The following DOCK4 variants were observed in gnomAD, a reference collection of about 807,000 sequenced individuals.
DOCK4 encodes dedicator of cytokinesis 4.
Under a neutral mutation model 268.1 loss-of-function variants are expected in DOCK4, and 97 were observed. That is an observed-to-expected ratio of 0.36 (90% CI 0.31 to 0.43). The LOEUF is 0.43. DOCK4 is among the 20% of genes least tolerant of loss of function. The pLI, the probability that DOCK4 is intolerant of heterozygous loss-of-function variation, is 1.00. For synonymous variants in DOCK4, 954 were observed against 887.2 expected (o/e 1.08, Z -1.34); for missense variants, 2,145 against 2,455.7 (o/e 0.87, Z 2.67).
Position 112,179,532 on chromosome 7 carries a change from T to G in DOCK4, c.37+26570A>C, listed in dbSNP as rs867450727. On this transcript the variant is annotated intron_variant, in intron 1 of 52. Transcript: ENST00000428084. ...CAAAAGGTGTTGTTTTTTTGTTTTT[T>G]TTTTTTAACCCAGCTACATGCACAC... 1.8e-3 allele frequency among the ~76,000 whole-genome samples: 276 copies of G among 152,118 alleles called. No individual in the cohort carries two copies. In the Middle Eastern group the frequency reaches 0.02, roughly 11 times the overall value.
At chr7:111,850,542 T>C (rs972996725) in intron 23 of DOCK4, among the ~76,000 whole-genome samples, 1 of 152,014 alleles carries the variant, frequency 6.6e-6, no homozygotes, top group African/African-American at 2.4e-5. Context: ...GACCTGCACA[T>C]ATATAAACAG....
chr7:111,981,666 G>A (rs147535631), intron 7 of DOCK4, among the ~76,000 whole-genome samples: 53 of 152,350 alleles, frequency 3.5e-4, no homozygotes, highest in African/African-American at 1.3e-3. Context: ...AACCAGCACT[G>A]AGGAGAAAAT....
intron 1 of DOCK4, among the ~76,000 whole-genome samples, chr7:112,186,959 A>C (rs1219351698): frequency 1.3e-5 from 2 of 152,204 alleles, no homozygotes; most frequent in Non-Finnish European, 2.9e-5. Context: ...GAGGAAGAAT[A>C]AACCACTAAT....
chr7:111,731,835 T>C (rs917555676), intron 52 of DOCK4, among the ~76,000 whole-genome samples: 7 of 150,258 alleles, frequency 4.7e-5, no homozygotes, highest in Non-Finnish European at 5.9e-5. Flanking sequence ...TTAGTAGATC[T>C]TGATACTGAT....
At chr7:111,938,324 G>A (rs1314720176) in intron 11 of DOCK4, among the ~76,000 whole-genome samples, 1 of 152,182 alleles carries the variant, frequency 6.6e-6, no homozygotes, top group African/African-American at 2.4e-5. Flanking sequence ...AGGTCAAAAA[G>A]GCAATTTTAA....
At chr7:112,086,194 G>T (rs1205964854) in intron 1 of DOCK4, among the ~76,000 whole-genome samples, 1 of 151,988 alleles carries the variant, frequency 6.6e-6, no homozygotes, top group African/African-American at 2.4e-5. Flanking sequence ...TGAATATATA[G>T]TACGTTATCT....
chr7:111,871,389 A>G (rs1317355830), intron 20 of DOCK4, among the ~76,000 whole-genome samples: 2 of 152,208 alleles, frequency 1.3e-5, no homozygotes, highest in African/African-American at 4.8e-5. Flanking sequence ...GCATAATATT[A>G]TTCATAACTT....
At chr7:111,835,092 T>C (rs905471793) in intron 25 of DOCK4, among the ~76,000 whole-genome samples, 1 of 152,144 alleles carries the variant, frequency 6.6e-6, no homozygotes, top group Non-Finnish European at 1.5e-5. Context: ...TATAATACCT[T>C]TTTGAAGAAG....
At chr7:112,011,874 C>A (rs545506206) in intron 1 of DOCK4, among the ~76,000 whole-genome samples, 69 of 149,096 alleles carry the variant, frequency 4.6e-4, no homozygotes, top group African/African-American at 1.7e-3. Flanking sequence ...AAAGGAGCAT[C>A]CTAGATGAGA....
intron 1 of DOCK4, among the ~76,000 whole-genome samples, chr7:112,050,644 C>CAGAGAG (rs142683638): frequency 0.037 from 5,640 of 150,558 alleles, 303 homozygotes; most frequent in African/African-American, 0.12. Context: ...AAGAGTCTGA[C>CAGAGAG]AGAGAGAGAG....
intron 13 of DOCK4, among the ~76,000 whole-genome samples, chr7:111,905,478 T>C (rs560544421): frequency 6.6e-6 from 1 of 152,284 alleles, no homozygotes; most frequent in South Asian, 2.1e-4. Flanking sequence ...GGGAACAAAC[T>C]CAAGAGTTCA....
intron 1 of DOCK4, among the ~76,000 whole-genome samples, chr7:112,014,256 A>G (rs1263263112): frequency 3.3e-5 from 5 of 152,222 alleles, no homozygotes; most frequent in African/African-American, 4.8e-5. Context: ...TGGTCATTCA[A>G]TTAGCACTTC....
At chr7:111,941,525 C>T (rs796318112) in intron 10 of DOCK4, among the ~76,000 whole-genome samples, 2 of 152,000 alleles carry the variant, frequency 1.3e-5, no homozygotes, top group African/African-American at 2.4e-5. Flanking sequence ...TTATCAATAT[C>T]GTGGTTTAAA....
chr7:111,976,361 T>C (rs1798210609), intron 8 of DOCK4, among the ~76,000 whole-genome samples: 1 of 139,850 alleles, frequency 7.2e-6, no homozygotes. Context: ...TATTGAAAAG[T>C]ATTTTTTTAA....
At chr7:112,059,707 A>G (rs1806214518) in intron 1 of DOCK4, among the ~76,000 whole-genome samples, 1 of 152,226 alleles carries the variant, frequency 6.6e-6, no homozygotes, top group African/African-American at 2.4e-5. Flanking sequence ...TCAAGATTTT[A>G]GGAAAACATG....
intron 1 of DOCK4, among the ~76,000 whole-genome samples, chr7:112,149,727 A>C (rs561819915): frequency 6.6e-6 from 1 of 152,330 alleles, no homozygotes; most frequent in South Asian, 2.1e-4. Context: ...AATTCAGTAC[A>C]TCTGGAAAAC....
chr7:112,179,342 T>C (rs114018070), intron 1 of DOCK4, among the ~76,000 whole-genome samples: 4,974 of 150,660 alleles, frequency 0.033, 262 homozygotes, highest in African/African-American at 0.11. Context: ...GTGGTGATCA[T>C]GTCACTGCAC....
At chr7:112,071,375 G>A (rs1414148557) in intron 1 of DOCK4, among the ~76,000 whole-genome samples, 2 of 152,012 alleles carry the variant, frequency 1.3e-5, no homozygotes, top group Non-Finnish European at 2.9e-5. Flanking sequence ...ACCTGGCAGA[G>A]TGTATTAAAC....
chr7:112,136,781 G>C (rs1481239333), intron 1 of DOCK4, among the ~76,000 whole-genome samples: 1 of 152,146 alleles, frequency 6.6e-6, no homozygotes, highest in Non-Finnish European at 1.5e-5. Context: ...AGCAGAGACT[G>C]ATGGATAATT....
Sources: allele counts gnomAD v4.1 joint callset (sites outside exome capture counted in the v4.1 genomes callset), GRCh38; gene constraint gnomAD v4.1.1; transcripts MANE v1.5; gene names NCBI Gene and HGNC (gene_info 2026-07-23, HGNC 2026-07-21).